SHTN1: variants seen among roughly 807,000 people sequenced by gnomAD.
The protein encoded by SHTN1 is shootin 1.
In SHTN1, 42 loss-of-function variants were observed where a neutral mutation model predicts 83.1. That is an observed-to-expected ratio of 0.51 (90% CI 0.39 to 0.65). The LOEUF is 0.65. Among genes scored for constraint, SHTN1 ranks in the 30% least tolerant of loss-of-function variants. The pLI is 0.00. For synonymous variants in SHTN1, 224 were observed against 247.7 expected (o/e 0.90, Z 0.90); for missense variants, 622 against 737.8 (o/e 0.84, Z 1.82).
intron 3 of SHTN1, among the ~76,000 whole-genome samples, chr10:116,962,691 C>G (rs1440435277): frequency 1.3e-5 from 2 of 152,160 alleles, no homozygotes; most frequent in East Asian, 3.8e-4. Context: ...CCCTGTGATT[C>G]AACTTGATAA....
intron 12 of SHTN1, among the ~76,000 whole-genome samples, chr10:116,920,105 T>C (rs1394834855): frequency 6.6e-6 from 1 of 152,090 alleles, no homozygotes; most frequent in Non-Finnish European, 1.5e-5. Flanking sequence ...AGTAACAGAA[T>C]TTAAAGCAAA....
At chr10:117,044,290 C>T (rs1589909190) in intron 2 of SHTN1, among the ~76,000 whole-genome samples, 1 of 25,932 alleles carries the variant, frequency 3.9e-5, no homozygotes, top group South Asian at 3.0e-3. Flanking sequence ...TTTTACTTAA[C>T]AATATATCTT....
chr10:117,108,153 C>T (rs771436471), intron 1 of SHTN1, among the ~76,000 whole-genome samples: 1 of 152,030 alleles, frequency 6.6e-6, no homozygotes, highest in Non-Finnish European at 1.5e-5. Flanking sequence ...TTGAAAGTGC[C>T]GAGTTGAAAA....
At chr10:117,000,876 C>T (rs1047788921) in intron 1 of SHTN1, among the ~76,000 whole-genome samples, 1 of 152,188 alleles carries the variant, frequency 6.6e-6, no homozygotes, top group Admixed American at 6.5e-5. Context: ...AACTCCTCAC[C>T]AGCAGAGGCA....
At chr10:116,991,606 G>A (rs528996333) in intron 1 of SHTN1, among the ~76,000 whole-genome samples, 1 of 152,176 alleles carries the variant, frequency 6.6e-6, no homozygotes, top group South Asian at 2.1e-4. Context: ...ATTACTTATT[G>A]CTACAAGATA....
chr10:117,034,232 A>G (rs962164547), intron 2 of SHTN1, among the ~76,000 whole-genome samples: 5 of 152,232 alleles, frequency 3.3e-5, no homozygotes, highest in African/African-American at 1.2e-4. Flanking sequence ...CTGGAAAGGA[A>G]GAAGTCAAAT....
At position 116,937,533 on chromosome 10, in the gene SHTN1, C is replaced by T. The variant is rs540753296; in HGVS notation, c.858+2933G>A. ...GTAGGGTTTCTGCAGAGTGATCCAC[C>T]GTTAGTCTGCTGGGCTTCCCTTTGT... is the stretch of plus-strand genomic sequence containing the variant. On this transcript the variant is annotated intron_variant, in intron 9 of 16. Coordinates refer to ENST00000355371, the MANE Select transcript of SHTN1 (RefSeq NM_001127211.3). 7.4e-4 allele frequency among the ~76,000 whole-genome samples: 112 copies of T among 152,220 alleles called. 2 individuals carry two copies. In the South Asian group the frequency reaches 0.022, roughly 30 times the overall value.
At chr10:116,929,729 T>C in intron 10 of SHTN1, 120 bp downstream of exon 10, 1 of 547,680 alleles carries the variant, frequency 1.8e-6, no homozygotes, top group South Asian at 5.2e-5. Context: ...AAAACAAATC[T>C]TGGTATTTTT....
At chr10:117,031,577 G>C (rs1050507942) in intron 2 of SHTN1, among the ~76,000 whole-genome samples, 9 of 152,036 alleles carry the variant, frequency 5.9e-5, no homozygotes, top group Non-Finnish European at 1.5e-5. Context: ...CATATAAATA[G>C]AAAGAGCAAA....
At chr10:117,088,887 G>C (rs1228760786) in intron 1 of SHTN1, among the ~76,000 whole-genome samples, 3 of 152,182 alleles carry the variant, frequency 2.0e-5, no homozygotes, top group African/African-American at 7.2e-5. Context: ...CTTGTCTGGG[G>C]CACTTTCAGT....
chr10:117,006,565 C>CAAAAAA (rs35193104), upstream of SHTN1, among the ~76,000 whole-genome samples: 1 of 92,656 alleles, frequency 1.1e-5, no homozygotes, highest in Non-Finnish European at 2.2e-5. Context: ...GACTCCGTCT[C>CAAAAAA]AAAAAAAAAA....
At chr10:117,110,661 G>C (rs1853753098) in intron 1 of SHTN1, among the ~76,000 whole-genome samples, 1 of 151,982 alleles carries the variant, frequency 6.6e-6, no homozygotes, top group African/African-American at 2.4e-5. Flanking sequence ...GTACCCAGCT[G>C]CAACTTGAAT....
At chr10:116,966,702 C>A (rs1299649848) in intron 3 of SHTN1, among the ~76,000 whole-genome samples, 1 of 152,168 alleles carries the variant, frequency 6.6e-6, no homozygotes, top group African/African-American at 2.4e-5. Context: ...GTCCCTACTG[C>A]CTACCTAGAC....
Position 116,886,532 on chromosome 10 carries a change from T to C in SHTN1, c.1708A>G (p.Ile570Val). 1 of 1,614,188 alleles carries C rather than the reference T, an allele frequency of 6.2e-7. No individual in the cohort carries two copies. Among genetic ancestry groups the C allele is most frequent in the East Asian group, 2.2e-5 (1 of 44,872 alleles). ...GGTTCGGCTTGTTTTTCACCGTCAA[T>C]GTATTTTTTCCTGCATCCAATGCTA... is the stretch of plus-strand genomic sequence containing the variant. ...PSSIGCRKKY[I>V]DGEKQAEPVV... is the part of the protein sequence containing the mutation. The change falls in exon 17 of 17, where the codon ATT becomes GTT. Residue 570 changes from isoleucine to valine, a missense_variant. Physicochemically the swap from Ile to Val is conservative, Grantham distance 29. Transcript: ENST00000355371.
intron 3 of SHTN1, among the ~76,000 whole-genome samples, chr10:116,965,943 A>AT (rs776996884): frequency 2.6e-5 from 4 of 152,152 alleles, no homozygotes; most frequent in African/African-American, 7.2e-5. Flanking sequence ...AAAGCCATGA[A>AT]TTATTTATCC....
intron 2 of SHTN1, among the ~76,000 whole-genome samples, chr10:116,970,698 G>C (rs1564906173): frequency 6.8e-6 from 1 of 146,706 alleles, no homozygotes; most frequent in Non-Finnish European, 1.5e-5. Context: ...TGGTGACAGA[G>C]AGAGACTTAC....
intron 11 of SHTN1, among the ~76,000 whole-genome samples, chr10:116,923,604 G>A (rs1054105103): frequency 6.6e-6 from 1 of 150,778 alleles, no homozygotes; most frequent in Non-Finnish European, 1.5e-5. Flanking sequence ...TGCCCATGCT[G>A]GAGTACAAGG....
At chr10:117,054,095 C>A (rs563038663) in intron 1 of SHTN1, among the ~76,000 whole-genome samples, 2 of 152,196 alleles carry the variant, frequency 1.3e-5, no homozygotes, top group South Asian at 2.1e-4. Context: ...AAATACTAAG[C>A]CCCTCACCAA....
intron 4 of SHTN1, among the ~76,000 whole-genome samples, chr10:116,955,100 CAAAA>C (rs59777387): frequency 2.3e-5 from 2 of 87,764 alleles, no homozygotes; most frequent in Non-Finnish European, 2.6e-5. Context: ...TACTTCACAG[CAAAA>C]AAAAAAAAAA....
Sources: gnomAD v4.1 joint callset for allele counts (sites outside exome capture counted in the v4.1 genomes callset) on GRCh38, gnomAD v4.1.1 for gene constraint, MANE v1.5 for transcripts, NCBI Gene and HGNC (gene_info 2026-07-23, HGNC 2026-07-21) for gene names.